The following METTL22 variants were observed in gnomAD, a reference collection of about 807,000 sequenced individuals.
The protein encoded by METTL22 is methyltransferase 22, Kin17 lysine, also known as methyltransferase-like protein 22.
A neutral mutation model predicts 48.4 loss-of-function variants in METTL22; 51 were observed. The ratio of observed to expected loss-of-function variants is 1.05; its 90% CI spans 0.84 to 1.33. METTL22 has a LOEUF of 1.33. Among genes scored for constraint, METTL22 ranks in the 40% most tolerant of loss-of-function variants. METTL22 has a pLI of 0.00. For synonymous variants in METTL22, 255 were observed against 214.1 expected, an observed-to-expected ratio of 1.19 and a Z score of -1.67; for missense variants, 678 against 526.9, an observed-to-expected ratio of 1.29 and a Z score of -2.81.
intron 5 of METTL22, 46 bp from the exon 6 acceptor site, chr16:8,639,045 G>T (rs1279846569): frequency 1.3e-6 from 2 of 1,597,174 alleles, no homozygotes; most frequent in Non-Finnish European, 1.7e-6. Context: ...GGAGATAAAA[G>T]TGTCGTAGTG....
intron 7 of METTL22, chr16:8,641,840 G>A (rs1036509394): frequency 3.7e-6 from 2 of 544,032 alleles, no homozygotes; most frequent in Non-Finnish European, 6.6e-6. Flanking sequence ...GGGAGATCAT[G>A]TCCTGCACTG....
chr16:8,652,535 G>C (rs2056914594), downstream of METTL22, among the ~76,000 whole-genome samples: 1 of 147,696 alleles, frequency 6.8e-6, no homozygotes, highest in Non-Finnish European at 1.5e-5. Flanking sequence ...ACCCTCATGT[G>C]TGGCCAGGTG....
intron 7 of METTL22, chr16:8,641,639 A>G: frequency 3.7e-6 from 1 of 271,694 alleles, no homozygotes. Context: ...TTGTATAAAG[A>G]TGTCTTTTTT....
intron 6 of METTL22, 25 bp downstream of exon 6, chr16:8,639,187 A>T: frequency 6.2e-7 from 1 of 1,612,122 alleles, no homozygotes. Context: ...GTCTTCTGCC[A>T]GGGAGGGAGG....
rs2056028562 is a variant in METTL22, at chr16:8,625,796, C to A, written c.131C>A (p.Pro44Gln). Reference protein sequence around the residue: ...LMVRLNSVGQPVFLSQFKLLW... With the variant: ...LMVRLNSVGQQVFLSQFKLLW... ...GTACGGCTGAACAGCGTGGGGCAGCCAGGTAAGGTCCTGGGCCCAGGTGCC... is the reference window on the plus strand; with the variant it reads ...GTACGGCTGAACAGCGTGGGGCAGCAAGGTAAGGTCCTGGGCCCAGGTGCC... The change falls in exon 2 of 11, where the codon CCA becomes CAA. Residue 44 changes from proline to glutamine, a missense_variant and splice_region_variant. By Grantham distance (76) the Pro-to-Gln change is moderately conservative. Transcript: ENST00000381920. The A allele has an allele frequency of 6.2e-7, 1 of 1,613,948 alleles. No homozygotes were observed. Among genetic ancestry groups the A allele is most frequent in the Admixed American group, 1.7e-5 (1 of 59,988 alleles).
chr16:8,658,780 A>G, the METTL22 span, among the ~76,000 whole-genome samples: 3 of 151,996 alleles, frequency 2.0e-5, no homozygotes. Context: ...GTAGACACCC[A>G]CTCTGGGAGG....
the METTL22 span, among the ~76,000 whole-genome samples, chr16:8,655,348 A>C: frequency 6.6e-6 from 1 of 152,270 alleles, no homozygotes; most frequent in East Asian, 1.9e-4. Flanking sequence ...CTATGGGTCT[A>C]AGGGCCTCAG....
At chr16:8,630,033 G>A (rs1360848562) in intron 3 of METTL22, among the ~76,000 whole-genome samples, 1 of 152,094 alleles carries the variant, frequency 6.6e-6, no homozygotes, top group Non-Finnish European at 1.5e-5. Flanking sequence ...GCTCATTTGG[G>A]GAGCGGAGCT....
intron 2 of METTL22, among the ~76,000 whole-genome samples, chr16:8,628,332 C>T (rs751100052): frequency 2.2e-4 from 34 of 152,128 alleles, no homozygotes; most frequent in Non-Finnish European, 2.9e-4. Context: ...GGCATAAACC[C>T]GGGATGCTGT....
chr16:8,638,953 G>A lies in METTL22; in HGVS notation c.701-138G>A, dbSNP rs1048279312. The A allele has an allele frequency of 1.6e-5, 12 of 761,644 alleles. No individual in the cohort carries two copies. In the African/African-American group the frequency reaches 1.9e-4, roughly 12 times the overall value. The allele number at this position is 761,644 out of a possible 1,614,324, so 47.2% of individuals were successfully genotyped here. A position where few individuals can be genotyped will look rare whatever the true frequency, so the allele number is the denominator to read the frequency against. On this transcript the variant is annotated intron_variant, in intron 5 of 10. Coordinates refer to ENST00000381920, the MANE Select transcript of METTL22 (RefSeq NM_024109.4). ...CCTTAAGGTGAGGGTATTTAATTTT[G>A]GCAGTAAGACACATAGGAGAAACGT... is the stretch of plus-strand genomic sequence containing the variant.
chr16:8,659,424 C>T, the METTL22 span, among the ~76,000 whole-genome samples: 2 of 152,048 alleles, frequency 1.3e-5, no homozygotes, highest in Admixed American at 6.6e-5. Context: ...ATGAATTGCC[C>T]AGCCTGACCC....
chr16:8,659,665 C>A, the METTL22 span, among the ~76,000 whole-genome samples: 5 of 152,016 alleles, frequency 3.3e-5, no homozygotes, highest in East Asian at 1.9e-4. Context: ...CATGCTAGAG[C>A]CATCAGGACA....
chr16:8,634,071 G>A (rs2056349389), intron 3 of METTL22, among the ~76,000 whole-genome samples: 1 of 152,206 alleles, frequency 6.6e-6, no homozygotes, highest in Admixed American at 6.5e-5. Context: ...TTTATTAAAA[G>A]TGCCTTGTAA....
chr16:8,633,668 CCT>C (rs2056334366), intron 3 of METTL22, among the ~76,000 whole-genome samples: 2 of 152,206 alleles, frequency 1.3e-5, no homozygotes. Context: ...TGCCACTCAC[CCT>C]CTCTGTGACC....
At position 8,646,620 on chromosome 16, in the gene METTL22, T is replaced by G. The variant is rs964512761; in HGVS notation, c.*477T>G. On this transcript the variant is annotated 3_prime_UTR_variant, in exon 11 of 11. Transcript: ENST00000381920. The stretch of plus-strand genomic sequence containing the variant: ...GGTTGGGTATGCTCCACCCCATCAC[T>G]CTGGTGAGGGCCCCATGAGAAGGAA... The G allele has an allele frequency of 2.2e-6, 1 of 459,620 alleles. No homozygotes were observed. Among genetic ancestry groups the G allele is most frequent in the Middle Eastern group, 3.2e-4 (1 of 3,088 alleles). The allele number at this position is 459,620 out of a possible 1,614,324, so 28.5% of individuals were successfully genotyped here.
chr16:8,629,230 C>A, intron 3 of METTL22, 120 bp downstream of exon 3: 1 of 1,337,656 alleles, frequency 7.5e-7, no homozygotes, highest in Non-Finnish European at 1.0e-6. Flanking sequence ...GTTATGAGAA[C>A]CAGCTCGGGT....
chr16:8,653,955 C>T (rs541455556), downstream of METTL22, among the ~76,000 whole-genome samples: 5 of 152,180 alleles, frequency 3.3e-5, no homozygotes, highest in African/African-American at 7.2e-5. Context: ...ATGTGGGAAG[C>T]TGAAATTGCA....
In METTL22 at chr16:8,646,473, G is replaced by T. The variant is rs112653295; in HGVS notation, c.*330G>T. On this transcript the variant is annotated 3_prime_UTR_variant, in exon 11 of 11. Coordinates refer to ENST00000381920, the MANE Select transcript of METTL22 (RefSeq NM_024109.4). ...AGCTGTGTGCTTTACTTGCGGTTGCGGCCCTGGCTGTGAGGTGGATTCTTG... is the reference window on the plus strand; with the variant it reads ...AGCTGTGTGCTTTACTTGCGGTTGCTGCCCTGGCTGTGAGGTGGATTCTTG... 10 of 571,260 alleles carry T rather than the reference G, an allele frequency of 1.8e-5. No homozygotes were observed. The highest frequency in any genetic ancestry group is 2.7e-5 in the Non-Finnish European group (8 of 301,808). The allele number at this position is 571,260 out of a possible 1,614,324, so 35.4% of individuals were successfully genotyped here. A position where few individuals can be genotyped will look rare whatever the true frequency, so the allele number is the denominator to read the frequency against.
chr16:8,628,797 C>G lies in METTL22; in HGVS notation c.201C>G (p.Gly67=). The change falls in exon 3 of 11, where the codon GGC becomes GGG. Residue 67 remains glycine, a synonymous_variant. Transcript: ENST00000381920. ...GGACAGATTCAGGAGCCAAGGGTGGCAGTCACAGAGATGTTCACACAAAGG... is the reference window on the plus strand; with the variant it reads ...GGACAGATTCAGGAGCCAAGGGTGGGAGTCACAGAGATGTTCACACAAAGG... ...DSWTDSGAKG[G]SHRDVHTKEP... 2 of 1,614,192 alleles carry G rather than the reference C, an allele frequency of 1.2e-6. No homozygotes were observed. The highest frequency in any genetic ancestry group is 1.7e-6 in the Non-Finnish European group (2 of 1,180,028).
Sources: gnomAD v4.1 joint callset for allele counts (sites outside exome capture counted in the v4.1 genomes callset) on GRCh38, gnomAD v4.1.1 for gene constraint, MANE v1.5 for transcripts, NCBI Gene and HGNC (gene_info 2026-07-23, HGNC 2026-07-21) for gene names.